Variants in CDH13 observed in about 807,000 individuals in gnomAD.
CDH13 encodes cadherin-13.
In CDH13, 24 loss-of-function variants were observed where a neutral mutation model predicts 63.8. The observed-to-expected ratio is 0.38, with a 90% confidence interval of 0.27 to 0.53. The LOEUF (loss-of-function observed/expected upper bound fraction) is 0.53, where lower values mean the gene tolerates loss of function less well. CDH13 is among the 20% of genes least tolerant of loss of function. The pLI, the probability that CDH13 is intolerant of heterozygous loss-of-function variation, is 0.85. For synonymous variants in CDH13, 503 were observed against 355.3 expected, an observed-to-expected ratio of 1.42 and a Z score of -4.67; for missense variants, 1,049 against 903.1, an observed-to-expected ratio of 1.16 and a Z score of -2.07.
At chr16:83,101,533 C>G (rs1324008682) in intron 3 of CDH13, among the ~76,000 whole-genome samples, 1 of 151,928 alleles carries the variant, frequency 6.6e-6, no homozygotes, top group Non-Finnish European at 1.5e-5. Context: ...TGGCTAATGC[C>G]TCTAAGCCCA....
chr16:82,787,841 A>AGTGTGTGTGTGTCTGTGTGTGTGT (rs10528183), intron 1 of CDH13, among the ~76,000 whole-genome samples: 1 of 146,654 alleles, frequency 6.8e-6, no homozygotes, highest in African/African-American at 2.5e-5. Flanking sequence ...GAAGGGAGGA[A>AGTGTGTGTGTGTCTGTGTGTGTGT]GTGTGTGTGT....
chr16:83,282,572 C>T (rs900312247), intron 5 of CDH13, among the ~76,000 whole-genome samples: 5 of 152,148 alleles, frequency 3.3e-5, no homozygotes, highest in Non-Finnish European at 5.9e-5. Context: ...GGTTATAAAA[C>T]AAGTGACAAC....
At chr16:83,319,315 C>T (rs77968003) in intron 5 of CDH13, among the ~76,000 whole-genome samples, 1 of 152,128 alleles carries the variant, frequency 6.6e-6, no homozygotes, top group South Asian at 2.1e-4. Flanking sequence ...CTTCCGAAGG[C>T]GTTTATTCCT....
At chr16:83,534,764 A>G (rs1243894075) in intron 7 of CDH13, among the ~76,000 whole-genome samples, 1 of 152,202 alleles carries the variant, frequency 6.6e-6, no homozygotes, top group Non-Finnish European at 1.5e-5. Context: ...CACTATTATG[A>G]GCAATGCTGC....
chr16:83,238,234 G>A (rs1402498202), intron 5 of CDH13, among the ~76,000 whole-genome samples: 1 of 126,144 alleles, frequency 7.9e-6, no homozygotes, highest in Non-Finnish European at 1.7e-5. Flanking sequence ...AAAAAAAAAA[G>A]AGAGATTTAG....
At chr16:83,084,292 G>C (rs889656403) in intron 3 of CDH13, among the ~76,000 whole-genome samples, 2 of 152,176 alleles carry the variant, frequency 1.3e-5, no homozygotes, top group Non-Finnish European at 2.9e-5. Context: ...CCTGGGAAAA[G>C]TTTGTTTTGA....
At chr16:82,724,319 G>C (rs1479377362) in intron 1 of CDH13, among the ~76,000 whole-genome samples, 1 of 152,082 alleles carries the variant, frequency 6.6e-6, no homozygotes, top group Non-Finnish European at 1.5e-5. Flanking sequence ...ATTCTTTAGA[G>C]GTAGTTTTAT....
At chr16:82,969,021 C>T (rs953462828) in intron 2 of CDH13, among the ~76,000 whole-genome samples, 1 of 152,154 alleles carries the variant, frequency 6.6e-6, no homozygotes, top group Admixed American at 6.5e-5. Flanking sequence ...GCAGGAGAAT[C>T]GCTTGAACCC....
At chr16:82,854,274 A>C (rs1216525467) in intron 1 of CDH13, among the ~76,000 whole-genome samples, 1 of 151,892 alleles carries the variant, frequency 6.6e-6, no homozygotes, top group East Asian at 1.9e-4. Flanking sequence ...GGTGGCTGGC[A>C]CCTGCAGTCA....
intron 2 of CDH13, among the ~76,000 whole-genome samples, chr16:82,968,128 A>G (rs1263947867): frequency 2.0e-5 from 3 of 152,124 alleles, no homozygotes; most frequent in Non-Finnish European, 4.4e-5. Context: ...TTTCATTACT[A>G]TGGTTTTATG....
chr16:82,671,553 A>G (rs1913245744), intron 1 of CDH13, among the ~76,000 whole-genome samples: 1 of 152,216 alleles, frequency 6.6e-6, no homozygotes, highest in Non-Finnish European at 1.5e-5. Flanking sequence ...TTTTAAAACA[A>G]ATTTACTAAC....
At chr16:82,930,953 A>G (rs2042472300) in intron 2 of CDH13, among the ~76,000 whole-genome samples, 1 of 152,206 alleles carries the variant, frequency 6.6e-6, no homozygotes, top group Admixed American at 6.5e-5. Context: ...TGGCTTTGTC[A>G]TTTCCCCACA....
intron 8 of CDH13, among the ~76,000 whole-genome samples, chr16:83,626,837 T>C (rs1278583765): frequency 6.6e-6 from 1 of 152,116 alleles, no homozygotes; most frequent in African/African-American, 2.4e-5. Flanking sequence ...CTGTACCCGC[T>C]CTCCCTAGGA....
intron 5 of CDH13, among the ~76,000 whole-genome samples, chr16:83,271,500 T>A (rs866325487): frequency 7.4e-6 from 1 of 135,452 alleles, no homozygotes. Context: ...GGCTTTTATT[T>A]AAAAAAAAAC....
At chr16:83,221,974 C>T (rs1032893284) in intron 5 of CDH13, among the ~76,000 whole-genome samples, 2 of 152,120 alleles carry the variant, frequency 1.3e-5, no homozygotes, top group African/African-American at 4.8e-5. Flanking sequence ...AAACAGGTTC[C>T]CAAGATGTAT....
intron 6 of CDH13, among the ~76,000 whole-genome samples, chr16:83,433,204 G>T (rs1598008906): frequency 6.6e-6 from 1 of 152,162 alleles, no homozygotes; most frequent in African/African-American, 2.4e-5. Flanking sequence ...ACCAGAAAGG[G>T]GTTGCCCTGA....
At chr16:83,419,672 G>A (rs533470688) in intron 6 of CDH13, among the ~76,000 whole-genome samples, 11 of 152,098 alleles carry the variant, frequency 7.2e-5, no homozygotes, top group Non-Finnish European at 1.0e-4. Flanking sequence ...CCCAAACCCC[G>A]CAGTATTATA....
chr16:83,625,658 A>C (rs1342576106), intron 8 of CDH13, among the ~76,000 whole-genome samples: 1 of 152,162 alleles, frequency 6.6e-6, no homozygotes, highest in Admixed American at 6.5e-5. Context: ...GGTGGGTCTC[A>C]TGCACTTGTA....
intron 1 of CDH13, among the ~76,000 whole-genome samples, chr16:82,628,708 G>A (rs890083087): frequency 6.6e-6 from 1 of 152,142 alleles, no homozygotes; most frequent in African/African-American, 2.4e-5. Context: ...AAGCCTGGCT[G>A]TGAACCAGTT....
Sources: gnomAD v4.1 joint callset for allele counts (sites outside exome capture counted in the v4.1 genomes callset) on GRCh38, gnomAD v4.1.1 for gene constraint, MANE v1.5 for transcripts, NCBI Gene and HGNC (gene_info 2026-07-23, HGNC 2026-07-21) for gene names.